The following MAPK10 variants were observed in gnomAD, a reference collection of about 807,000 sequenced individuals.
MAPK10 encodes the protein mitogen-activated protein kinase 10.
MAPK10 carries 25 observed loss-of-function variants against 59.3 expected under a neutral mutation model. The observed-to-expected ratio is 0.42, with a 90% CI of 0.31 to 0.59. The LOEUF (loss-of-function observed/expected upper bound fraction) is 0.59. Ranked by LOEUF, MAPK10 falls within the 20% of genes least tolerant of loss-of-function variation. The probability of loss-of-function intolerance (pLI) is 0.15; values close to 1 mark genes in which losing one functional copy is unlikely to be tolerated. For synonymous variants in MAPK10, 190 were observed against 200.5 expected, an observed-to-expected ratio of 0.95 and a Z score of 0.44; for missense variants, 351 against 568.9, an observed-to-expected ratio of 0.62 and a Z score of 3.90.
intron 1 of MAPK10, among the ~76,000 whole-genome samples, chr4:86,401,663 T>C (rs1397200050): frequency 6.6e-6 from 1 of 152,218 alleles, no homozygotes; most frequent in Non-Finnish European, 1.5e-5. Flanking sequence ...TCTCTATGTC[T>C]ATTTTATGTG....
intron 3 of MAPK10, among the ~76,000 whole-genome samples, chr4:86,171,606 T>C (rs1345089622): frequency 1.3e-5 from 2 of 151,970 alleles, no homozygotes; most frequent in Admixed American, 6.6e-5. Flanking sequence ...AAATGTTAGA[T>C]CTAAAACCAT....
chr4:86,402,754 A>C (rs917540285), intron 1 of MAPK10, among the ~76,000 whole-genome samples: 1 of 152,150 alleles, frequency 6.6e-6, no homozygotes. Context: ...TGTGCAGTCT[A>C]AGGAAGACTC....
chr4:86,349,280 G>T (rs1303835079), intron 2 of MAPK10, among the ~76,000 whole-genome samples: 1 of 152,092 alleles, frequency 6.6e-6, no homozygotes, highest in Non-Finnish European at 1.5e-5. Context: ...ATGCCTTTGT[G>T]TAAACTGCTT....
chr4:86,355,547 G>A (rs1223732753), intron 1 of MAPK10, among the ~76,000 whole-genome samples: 3 of 152,056 alleles, frequency 2.0e-5, no homozygotes, highest in Admixed American at 1.3e-4. Context: ...CTTCCCAAAT[G>A]AGTATAGGTT....
At chr4:86,148,478 T>C (rs1363201565) in intron 4 of MAPK10, among the ~76,000 whole-genome samples, 1 of 151,392 alleles carries the variant, frequency 6.6e-6, no homozygotes, top group Non-Finnish European at 1.5e-5. Flanking sequence ...GAAGACGGAC[T>C]AGGAGAAGAA....
At chr4:86,323,174 T>C (rs1316410993) in intron 2 of MAPK10, among the ~76,000 whole-genome samples, 1 of 152,140 alleles carries the variant, frequency 6.6e-6, no homozygotes, top group Non-Finnish European at 1.5e-5. Context: ...AGAGGGAGCC[T>C]CCGTCTCAAA....
At chr4:86,025,487 C>T (rs1227020183) in intron 13 of MAPK10, 11 of 398,118 alleles carry the variant, frequency 2.8e-5, no homozygotes, top group Non-Finnish European at 4.4e-5. Context: ...AAGCAGTTTG[C>T]GAAAATCTCT....
intron 1 of MAPK10, among the ~76,000 whole-genome samples, chr4:86,451,316 G>C (rs1308105894): frequency 6.6e-6 from 1 of 152,130 alleles, no homozygotes; most frequent in Non-Finnish European, 1.5e-5. Flanking sequence ...TAGCAGTTCT[G>C]TGATGAATTA....
chr4:86,516,595 C>T (rs1756682472), intron 1 of MAPK10, among the ~76,000 whole-genome samples: 1 of 152,066 alleles, frequency 6.6e-6, no homozygotes, highest in South Asian at 2.1e-4. Context: ...AAAGATCTTT[C>T]ACCTCTTTTG....
At chr4:86,304,532 A>G (rs2095531594) in intron 2 of MAPK10, among the ~76,000 whole-genome samples, 1 of 149,278 alleles carries the variant, frequency 6.7e-6, no homozygotes, top group African/African-American at 2.5e-5. Flanking sequence ...AGCTGGGACT[A>G]CAGGCGCCCG....
intron 11 of MAPK10, among the ~76,000 whole-genome samples, chr4:86,054,887 A>T (rs1056958846): frequency 1.3e-5 from 2 of 152,226 alleles, no homozygotes; most frequent in African/African-American, 4.8e-5. Context: ...GGCAGGACAG[A>T]TGGAGAGAAC....
chr4:86,587,166 C>T (rs55879246), intron 1 of MAPK10, among the ~76,000 whole-genome samples: 43,317 of 152,056 alleles, frequency 0.28, 6,561 homozygotes, highest in Admixed American at 0.34. Context: ...CTTCACTTTA[C>T]AAATGAGGAA....
chr4:86,473,173 C>T (rs1346794476), intron 1 of MAPK10, among the ~76,000 whole-genome samples: 2 of 152,102 alleles, frequency 1.3e-5, no homozygotes, highest in Non-Finnish European at 2.9e-5. Context: ...CTATTTAGGA[C>T]CTGCAAAAAT....
At chr4:86,531,689 G>C (rs936994021) in intron 1 of MAPK10, among the ~76,000 whole-genome samples, 5 of 152,130 alleles carry the variant, frequency 3.3e-5, no homozygotes, top group African/African-American at 1.2e-4. Flanking sequence ...ATGTGAAATG[G>C]GGACAGGATT....
chr4:86,437,740 A>G (rs1748937748), intron 1 of MAPK10, among the ~76,000 whole-genome samples: 1 of 152,194 alleles, frequency 6.6e-6, no homozygotes, highest in African/African-American at 2.4e-5. Flanking sequence ...ACTCCTAGTG[A>G]TATACCAAAT....
chr4:86,022,791 G>A (rs944906629), intron 13 of MAPK10, among the ~76,000 whole-genome samples: 4 of 152,206 alleles, frequency 2.6e-5, no homozygotes, highest in Non-Finnish European at 5.9e-5. Context: ...CTACAGGCAT[G>A]AGCCACTGTG....
At chr4:86,077,141 T>C (rs2049663332) in intron 9 of MAPK10, among the ~76,000 whole-genome samples, 2 of 152,274 alleles carry the variant, frequency 1.3e-5, no homozygotes, top group Admixed American at 1.3e-4. Flanking sequence ...AAGTAGGGCA[T>C]GATGTCCAGA....
intron 1 of MAPK10, among the ~76,000 whole-genome samples, chr4:86,471,080 C>A (rs1752617060): frequency 6.6e-6 from 1 of 151,958 alleles, no homozygotes; most frequent in African/African-American, 2.4e-5. Flanking sequence ...ACCAGCCTGA[C>A]CAATATGGTG....
In MAPK10 at chr4:86,017,503, A is replaced by AG. The variant is rs1196982127; in HGVS notation, c.1253-134dup. On this transcript the variant is annotated intron_variant, in intron 13 of 13. Transcript: ENST00000641462. This position sits in a 1 kb window ranked among gnomAD's most constrained non-coding sequence, Gnocchi z 4.4. ...TCAATCATTTGGCAAGCCTTTATAG[A>AG]GCAGCTGACATAGGGGAGCATATCA... is the stretch of plus-strand genomic sequence containing the variant. The AG allele has an allele frequency of 1.1e-6, 1 of 890,506 alleles. No homozygotes were observed. The highest frequency in any genetic ancestry group is 1.7e-5 in the African/African-American group (1 of 59,972). The allele number at this position is 890,506 out of a possible 1,614,324, so 55.2% of individuals were successfully genotyped here.
Sources: gnomAD v4.1 joint callset for allele counts (sites outside exome capture counted in the v4.1 genomes callset) on GRCh38, gnomAD v4.1.1 for gene constraint, Gnocchi (gnomAD v3.1) non-coding constraint, MANE v1.5 for transcripts, NCBI Gene and HGNC (gene_info 2026-07-23, HGNC 2026-07-21) for gene names.